PEX11G: variants seen among roughly 807,000 people sequenced by gnomAD.
PEX11G encodes peroxisomal membrane protein 11C.
Under a neutral mutation model 22.5 loss-of-function variants are expected in PEX11G, and 20 were observed. The ratio of observed to expected loss-of-function variants is 0.89; its 90% CI spans 0.62 to 1.29. The LOEUF is 1.29. PEX11G is among the 50% of genes most tolerant of loss of function. The pLI, the probability that PEX11G is intolerant of heterozygous loss-of-function variation, is 0.00. For synonymous variants in PEX11G, 141 were observed against 154.5 expected (o/e 0.91, Z 0.65); for missense variants, 347 against 331.3 (o/e 1.05, Z -0.37).
upstream of PEX11G, among the ~76,000 whole-genome samples, chr19:7,492,698 T>C (rs551692110): frequency 7.9e-5 from 12 of 152,302 alleles, no homozygotes; most frequent in South Asian, 8.3e-4. Flanking sequence ...CACCTCGGCC[T>C]CCCAAAGTGC....
chr19:7,485,602 G>A (rs745497647), intron 2 of PEX11G, among the ~76,000 whole-genome samples: 39 of 151,986 alleles, frequency 2.6e-4, no homozygotes, highest in Middle Eastern at 3.2e-3. Flanking sequence ...TGATCCGCTC[G>A]CCTCAGCCTC....
chr19:7,488,662 G>C (rs1472932204), intron 1 of PEX11G, among the ~76,000 whole-genome samples: 2 of 152,222 alleles, frequency 1.3e-5, no homozygotes, highest in African/African-American at 4.8e-5. Context: ...ATAGCAGGGA[G>C]TGGTGGCGGG....
Position 7,488,952 on chromosome 19 carries a change from A to C in PEX11G, c.59T>G (p.Leu20Arg). 1 of 1,553,002 alleles carries C rather than the reference A, an allele frequency of 6.4e-7. No homozygotes were observed. Among genetic ancestry groups the C allele is most frequent in the South Asian group, 1.2e-5 (1 of 84,352 alleles). Residue 20 changes from leucine to arginine, a missense_variant and splice_region_variant, in exon 1 of 5, where the codon CTG becomes CGG. Coordinates refer to ENST00000221480, the MANE Select transcript of PEX11G (RefSeq NM_080662.4). ...GGCCCCGGTCCGCCCCTGCCTCACC[A>C]GGCGGTCCCGGCCCCTGTACGACTC... is the stretch of plus-strand genomic sequence containing the variant. The part of the protein sequence containing the change: ...ALESYRGRDR[L>R]IRVLGYCCQL...
chr19:7,487,053 G>T (rs73488457), intron 1 of PEX11G, among the ~76,000 whole-genome samples: 4 of 150,516 alleles, frequency 2.7e-5, no homozygotes, highest in Non-Finnish European at 4.4e-5. Context: ...TCTAAAAAAA[G>T]AAAAAGAAAA....
At chr19:7,477,613 C>G (rs1446996968) in intron 4 of PEX11G, among the ~76,000 whole-genome samples, 177 bp from the exon 5 acceptor site, 1 of 152,170 alleles carries the variant, frequency 6.6e-6, no homozygotes, top group African/African-American at 2.4e-5. Context: ...ATCACCCCCC[C>G]GACCCAAGCA....
rs544567067 is a variant in PEX11G at position 7,486,513 on chromosome 19, G to A, written c.61-487C>T. On this transcript the variant is annotated intron_variant, in intron 1 of 4. Transcript: ENST00000221480. ...ACAGTGGCTCACACCTGTAACCCCAGCACTTTGAGAAACCGAGGTGAGAGG... is the reference window on the plus strand; with the variant it reads ...ACAGTGGCTCACACCTGTAACCCCAACACTTTGAGAAACCGAGGTGAGAGG... Among the ~76,000 whole-genome samples, 10 of 152,320 alleles carry A rather than the reference G, an allele frequency of 6.6e-5. No homozygotes were observed. The East Asian group carries it at 1.9e-3, about 29-fold the overall frequency.
At chr19:7,489,581 C>T, upstream of PEX11G, 1 of 848,666 alleles carries the variant, frequency 1.2e-6, no homozygotes, top group Non-Finnish European at 1.4e-6. Context: ...TGTTGGACAA[C>T]CATCACCCCT....
intron 4 of PEX11G, among the ~76,000 whole-genome samples, chr19:7,478,073 T>C (rs1434804785): frequency 6.6e-6 from 1 of 152,182 alleles, no homozygotes; most frequent in Non-Finnish European, 1.5e-5. Flanking sequence ...CTTCGGGAAA[T>C]TGATCATTCT....
At chr19:7,483,721 G>A (rs1977613012) in intron 2 of PEX11G, among the ~76,000 whole-genome samples, 1 of 152,174 alleles carries the variant, frequency 6.6e-6, no homozygotes, top group Admixed American at 6.5e-5. Context: ...GTGGGGTTGG[G>A]ATTTCGGGGC....
chr19:7,481,955 T>C, intron 3 of PEX11G, 78 bp downstream of exon 3: 7 of 1,393,480 alleles, frequency 5.0e-6, no homozygotes, highest in Non-Finnish European at 6.6e-6. Flanking sequence ...CCTGTGCTGT[T>C]GCTGGGGCCG....
intron 1 of PEX11G, 151 bp downstream of exon 1, chr19:7,488,800 C>T: frequency 1.3e-6 from 1 of 773,090 alleles, no homozygotes; most frequent in Non-Finnish European, 2.1e-6. Context: ...CATAAATGTC[C>T]AATGCTAGGG....
In PEX11G at chr19:7,477,059, G is replaced by GC. The variant is rs1441019267; in HGVS notation, c.*142dup. 4 of 696,290 alleles carry GC rather than the reference G, an allele frequency of 5.7e-6. No homozygotes were observed. The highest frequency in any genetic ancestry group is 8.4e-6 in the Non-Finnish European group (4 of 476,602). The allele number at this position is 696,290 out of a possible 1,614,324, so 43.1% of individuals were successfully genotyped here. ...TCCAGGCTGAGGCCTGGGGGACCTC[G>GC]CATCAGTCCCTCCACCCACCCTGCC... On this transcript the variant is annotated 3_prime_UTR_variant, in exon 5 of 5. Coordinates refer to ENST00000221480, the MANE Select transcript of PEX11G (RefSeq NM_080662.4).
At chr19:7,481,743 C>T (rs1416257471) in intron 3 of PEX11G, among the ~76,000 whole-genome samples, 1 of 152,314 alleles carries the variant, frequency 6.6e-6, no homozygotes, top group Middle Eastern at 3.4e-3. Context: ...CAGAAGGCAT[C>T]AGCGCCTGCT....
chr19:7,478,431 T>G (rs1977335821), intron 3 of PEX11G, 55 bp from the exon 4 acceptor site: 1 of 1,546,176 alleles, frequency 6.5e-7, no homozygotes, highest in East Asian at 2.3e-5. Flanking sequence ...GAGGGTTAGC[T>G]CCACAACGCT....
Position 7,478,301 on chromosome 19 carries a change from C to A in PEX11G, c.491+13G>T, listed in dbSNP as rs769389541. 6.2e-7 allele frequency: 1 copy of A among 1,609,244 alleles called. No homozygotes were observed. The highest frequency in any genetic ancestry group is 8.5e-7 in the Non-Finnish European group (1 of 1,178,984). On this transcript the variant is annotated intron_variant, in intron 4 of 4. Coordinates refer to ENST00000221480, the MANE Select transcript of PEX11G (RefSeq NM_080662.4). ...GGAGTGGGCCTCCCTGCTGGGTGAT[C>A]ACGGGCTCCTACCTGGTGAAGGGCG...
intron 1 of PEX11G, among the ~76,000 whole-genome samples, chr19:7,494,114 C>T (rs1176762128): frequency 6.6e-6 from 1 of 152,158 alleles, no homozygotes; most frequent in Non-Finnish European, 1.5e-5. Context: ...GCCCTGTTGG[C>T]CAGGCTGGTC....
intron 4 of PEX11G, among the ~76,000 whole-genome samples, chr19:7,477,769 C>A (rs950629815): frequency 4.6e-5 from 7 of 152,228 alleles, no homozygotes; most frequent in Non-Finnish European, 8.8e-5. Flanking sequence ...CCCCCAGGAG[C>A]GTGGCCTGTG....
upstream of PEX11G, among the ~76,000 whole-genome samples, chr19:7,493,839 CAA>C (rs34297714): frequency 0.088 from 11,329 of 128,324 alleles, 667 homozygotes; most frequent in East Asian, 0.18. Flanking sequence ...AACCCCGTCT[CAA>C]AAAAAAAAAA....
chr19:7,482,201 G>A lies in PEX11G; in HGVS notation c.260C>T (p.Ala87Val). The A allele has an allele frequency of 6.4e-7, 1 of 1,567,116 alleles. No individual in the cohort carries two copies. ...TAGGACGGAGACACAGCGGACAAAG[G>A]CGTCCTCCTCCTGCAGGACCAGGAG... ...QYGLGAQEED[A>V]FVRCVSVLGN... is the part of the protein sequence containing the mutation. Residue 87 changes from alanine (A) to valine (V), a missense_variant, in exon 3 of 5, where the codon GCC (alanine) becomes GTC (valine). By Grantham distance (64) the Ala-to-Val change is moderately conservative. Transcript: ENST00000221480.
Sources: gnomAD v4.1 joint callset for allele counts (sites outside exome capture counted in the v4.1 genomes callset) on GRCh38, gnomAD v4.1.1 for gene constraint, MANE v1.5 for transcripts, NCBI Gene and HGNC (gene_info 2026-07-23, HGNC 2026-07-21) for gene names.